The following STK3 variants were observed in gnomAD, a reference collection of about 807,000 sequenced individuals.
STK3 encodes the protein serine/threonine-protein kinase 3.
A neutral mutation model predicts 58.0 loss-of-function variants in STK3; 41 were observed. The ratio of observed to expected loss-of-function variants is 0.71; its 90% CI spans 0.55 to 0.92. The LOEUF is 0.92. Among genes scored for constraint, STK3 ranks in the 40% least tolerant of loss-of-function variants. STK3 has a pLI of 0.00. For synonymous variants in STK3, 170 were observed against 191.0 expected (o/e 0.89, Z 0.91); for missense variants, 479 against 602.7 (o/e 0.79, Z 2.15).
At chr8:98,408,798 G>T (rs142620460) in intron 3 of STK3, among the ~76,000 whole-genome samples, 1 of 152,326 alleles carries the variant, frequency 6.6e-6, no homozygotes, top group Non-Finnish European at 1.5e-5. Context: ...AGCATGCATA[G>T]CCAGGGCTTG....
chr8:98,781,784 A>G (rs558545957), intron 1 of STK3, among the ~76,000 whole-genome samples: 9 of 152,034 alleles, frequency 5.9e-5, no homozygotes, highest in Non-Finnish European at 8.8e-5. Context: ...AAAATTAACA[A>G]TGTCAAAAAA....
intron 3 of STK3, chr8:98,429,524 G>A: frequency 1.3e-6 from 1 of 750,170 alleles, no homozygotes; most frequent in South Asian, 1.9e-5. Context: ...AGCCCCTGAG[G>A]GGAGAGATGC....
intron 3 of STK3, among the ~76,000 whole-genome samples, chr8:98,877,577 G>A (rs906070372): frequency 6.6e-6 from 1 of 151,814 alleles, no homozygotes; most frequent in Non-Finnish European, 1.5e-5. Context: ...TCCGCCTCCC[G>A]GGTTCAAGCG....
At position 98,428,912 on chromosome 8, in the gene STK3, C is replaced by A. The variant is rs759771726; in HGVS notation, n.483+5215G>T. The A allele has an allele frequency of 6.2e-7, 1 of 1,614,200 alleles. No individual in the cohort carries two copies. Among genetic ancestry groups the A allele is most frequent in the Non-Finnish European group, 8.5e-7 (1 of 1,180,038 alleles). ...TCCGCATCTTAAAGCTGGCCAGGCA[C>A]TCCACTGGCCTCCGCTCCCTGGGGG... On this transcript the variant is annotated intron_variant and non_coding_transcript_variant, in intron 3 of 3. Transcript: ENST00000517832. This position sits in a 1 kb window ranked among gnomAD's most constrained non-coding sequence, Gnocchi z 6.7.
intron 1 of STK3, among the ~76,000 whole-genome samples, chr8:98,806,442 C>A (rs1833890030): frequency 6.6e-6 from 1 of 152,184 alleles, no homozygotes; most frequent in Non-Finnish European, 1.5e-5. Flanking sequence ...CCTACCAGGG[C>A]TGAAATGGCC....
intron 6 of STK3, among the ~76,000 whole-genome samples, chr8:98,615,138 A>G (rs975392293): frequency 9.9e-5 from 15 of 151,890 alleles, no homozygotes; most frequent in African/African-American, 3.4e-4. Flanking sequence ...TACCTCCTCA[A>G]GTGGGTCCCT....
At position 98,755,876 on chromosome 8, in the gene STK3, T is replaced by A. The variant is rs527572512; in HGVS notation, c.237-6486A>T. Among the ~76,000 whole-genome samples, 35 of 152,272 alleles carry A rather than the reference T, an allele frequency of 2.3e-4. 1 individual carries two copies. The South Asian group carries it at 7.3e-3, about 32-fold the overall frequency. On this transcript the variant is annotated intron_variant, in intron 3 of 10. Transcript: ENST00000419617. ...AAAGAAGCAGGCCGGGCACGGTGGC[T>A]CATGCCTGTAATCCCAGCACTTTGG...
At chr8:98,538,930 T>C (rs1426755659) in intron 9 of STK3, among the ~76,000 whole-genome samples, 1 of 152,148 alleles carries the variant, frequency 6.6e-6, no homozygotes, top group Non-Finnish European at 1.5e-5. Context: ...TAAAGGAAAA[T>C]GAATGATTTC....
intron 1 of STK3, among the ~76,000 whole-genome samples, chr8:98,777,983 T>G (rs916397415): frequency 6.6e-6 from 1 of 152,110 alleles, no homozygotes; most frequent in African/African-American, 2.4e-5. Flanking sequence ...GGACTTCATG[T>G]CTAAAACACT....
intron 4 of STK3, among the ~76,000 whole-genome samples, chr8:98,728,809 C>T (rs964208302): frequency 6.6e-6 from 1 of 152,012 alleles, no homozygotes; most frequent in Non-Finnish European, 1.5e-5. Flanking sequence ...GAACAGAAAT[C>T]CACACATATC....
At chr8:98,579,608 A>G (rs562786509) in intron 8 of STK3, 56 bp downstream of exon 8, 1 of 1,575,224 alleles carries the variant, frequency 6.3e-7, no homozygotes, top group South Asian at 1.2e-5. Context: ...TTTTAACAGA[A>G]TTACAGACAA....
chr8:98,840,481 A>T (rs1379484509), intron 3 of STK3, among the ~76,000 whole-genome samples: 1 of 148,602 alleles, frequency 6.7e-6, no homozygotes, highest in African/African-American at 2.5e-5. Context: ...CTAAGGCAGG[A>T]GGATCTCTTG....
intron 1 of STK3, among the ~76,000 whole-genome samples, chr8:98,778,683 T>C (rs1587597183): frequency 6.6e-6 from 1 of 152,154 alleles, no homozygotes; most frequent in African/African-American, 2.4e-5. Context: ...ATATACACCA[T>C]GGAATACTAT....
At chr8:98,690,995 G>A (rs934887950) in intron 6 of STK3, among the ~76,000 whole-genome samples, 14 of 152,154 alleles carry the variant, frequency 9.2e-5, no homozygotes, top group African/African-American at 2.9e-4. Flanking sequence ...ACTTATAAGT[G>A]GGGGCTGACT....
chr8:98,344,921 A>G, the STK3 span, among the ~76,000 whole-genome samples: 2 of 150,310 alleles, frequency 1.3e-5, no homozygotes, highest in Non-Finnish European at 3.0e-5. Flanking sequence ...AAAAAAAAGA[A>G]AATATGGGAC....
chr8:98,645,551 T>C (rs548483083), intron 6 of STK3, among the ~76,000 whole-genome samples: 1 of 152,264 alleles, frequency 6.6e-6, no homozygotes, highest in South Asian at 2.1e-4. Context: ...AGTGAATGAA[T>C]CTATGAGGAA....
At chr8:98,439,762 A>T (rs564239770) in intron 1 of STK3, among the ~76,000 whole-genome samples, 1 of 152,140 alleles carries the variant, frequency 6.6e-6, no homozygotes, top group African/African-American at 2.4e-5. Context: ...CCCAAACCCA[A>T]ACCTGAGCCC....
intron 6 of STK3, among the ~76,000 whole-genome samples, chr8:98,653,660 G>A (rs578113541): frequency 6.3e-4 from 96 of 152,210 alleles, no homozygotes; most frequent in Non-Finnish European, 1.1e-3. Context: ...TATCACGACC[G>A]ATCCCACAGA....
intron 3 of STK3, among the ~76,000 whole-genome samples, chr8:98,409,905 A>G (rs1818036085): frequency 1.3e-5 from 2 of 152,174 alleles, no homozygotes; most frequent in Admixed American, 6.5e-5. Flanking sequence ...TCAGCCGGAG[A>G]GTGCCATGTG....
Sources: allele counts gnomAD v4.1 joint callset (sites outside exome capture counted in the v4.1 genomes callset), GRCh38; gene constraint gnomAD v4.1.1; non-coding constraint Gnocchi (gnomAD v3.1); transcripts MANE v1.5; gene names NCBI Gene and HGNC (gene_info 2026-07-23, HGNC 2026-07-21).